Variants in NHLRC3 observed in about 807,000 individuals in gnomAD.
NHLRC3 encodes NHL repeat-containing protein 3.
In NHLRC3, 23 loss-of-function variants were observed where a neutral mutation model predicts 32.0. That is an observed-to-expected ratio of 0.72 (90% CI 0.52 to 1.02). NHLRC3 has a LOEUF of 1.02. NHLRC3 is among the 50% of genes least tolerant of loss of function. NHLRC3 has a pLI of 0.00. For missense variants in NHLRC3, 407 were observed against 406.8 expected (o/e 1.00, Z -0.01); for synonymous variants, 159 against 147.9 (o/e 1.08, Z -0.55).
intron 5 of NHLRC3, among the ~76,000 whole-genome samples, chr13:39,046,806 T>C (rs968781145): frequency 2.0e-5 from 3 of 152,236 alleles, no homozygotes; most frequent in African/African-American, 4.8e-5. Context: ...CAGAGTATTA[T>C]AAGCTTTGGG....
At chr13:39,041,549 T>C (rs1033960534) in intron 3 of NHLRC3, 1 of 152,494 alleles carries the variant, frequency 6.6e-6, no homozygotes. Flanking sequence ...AATAAGATAC[T>C]CATGATTTAC....
At chr13:39,043,528 C>G (rs1871543102) in intron 4 of NHLRC3, among the ~76,000 whole-genome samples, 1 of 152,042 alleles carries the variant, frequency 6.6e-6, no homozygotes, top group Non-Finnish European at 1.5e-5. Flanking sequence ...CAGTCTTTCC[C>G]TTCTTTCTCT....
At chr13:39,041,727 GTTGT>G (rs1396226357) in intron 3 of NHLRC3, 1 of 197,330 alleles carries the variant, frequency 5.1e-6, no homozygotes. Flanking sequence ...TCAAATATAA[GTTGT>G]TCCCTTTACA....
chr13:39,038,929 C>T (rs1219462503), intron 1 of NHLRC3: 1 of 636,634 alleles, frequency 1.6e-6, no homozygotes, highest in Admixed American at 2.9e-5. Flanking sequence ...CCAACTCTTA[C>T]TACATCCTCA....
intron 3 of NHLRC3, 46 bp from the exon 4 acceptor site, chr13:39,042,059 T>C (rs1283037396): frequency 7.8e-6 from 9 of 1,149,794 alleles, no homozygotes; most frequent in Admixed American, 1.9e-5. Context: ...ATCTGAATGT[T>C]TGTATAGTGG....
intron 3 of NHLRC3, chr13:39,040,977 C>T (rs917777166): frequency 6.6e-6 from 1 of 152,190 alleles, no homozygotes; most frequent in African/African-American, 2.4e-5. Flanking sequence ...TCACTTTTTT[C>T]CTGAAGATCC....
chr13:39,046,843 C>T (rs1871697623), intron 5 of NHLRC3, among the ~76,000 whole-genome samples, 197 bp from the exon 6 acceptor site: 1 of 152,208 alleles, frequency 6.6e-6, no homozygotes, highest in Admixed American at 6.5e-5. Flanking sequence ...TTGTGCCTCT[C>T]CCATTTGTAA....
At chr13:39,039,111 T>C (rs1871339715) in intron 1 of NHLRC3, 25 bp from the exon 2 acceptor site, 11 of 1,102,762 alleles carry the variant, frequency 1.0e-5, no homozygotes, top group Middle Eastern at 2.4e-4. Flanking sequence ...GTAAACTAAA[T>C]CTGAATTGTC....
chr13:39,045,726 A>G (rs955608039), intron 5 of NHLRC3, among the ~76,000 whole-genome samples: 1 of 152,176 alleles, frequency 6.6e-6, no homozygotes, highest in Non-Finnish European at 1.5e-5. Context: ...CTTTAAGAAA[A>G]CCTATCCTTA....
At chr13:39,047,234 T>C (rs1486618455) in intron 6 of NHLRC3, 82 bp downstream of exon 6, 1 of 756,044 alleles carries the variant, frequency 1.3e-6, no homozygotes, top group African/African-American at 1.8e-5. Context: ...GCTGAAAGTT[T>C]AAAATATTTA....
intron 3 of NHLRC3, chr13:39,041,273 T>C (rs994894849): frequency 1.3e-5 from 2 of 152,174 alleles, no homozygotes; most frequent in African/African-American, 2.4e-5. Context: ...TTATGTGTTT[T>C]TTATTGCTAT....
Position 39,038,609 on chromosome 13 carries a change from G to A in NHLRC3, c.-31G>A. The A allele has an allele frequency of 6.3e-7, 1 of 1,597,784 alleles. No homozygotes were observed. Among genetic ancestry groups the A allele is most frequent in the South Asian group, 1.1e-5 (1 of 90,754 alleles). Reference sequence around the variant, plus strand: ...TCAGGTCCTCCCCCAGACACCTGCGGACCCTCCCTCTCCTGGCTTCCCGTC... The same window carrying A: ...TCAGGTCCTCCCCCAGACACCTGCGAACCCTCCCTCTCCTGGCTTCCCGTC... On this transcript the variant is annotated 5_prime_UTR_variant, in exon 1 of 7. Coordinates refer to ENST00000379600, the MANE Select transcript of NHLRC3 (RefSeq NM_001012754.4).
intron 1 of NHLRC3, 62 bp from the exon 2 acceptor site, chr13:39,039,074 C>A: frequency 2.5e-6 from 2 of 816,044 alleles, no homozygotes; most frequent in Non-Finnish European, 4.1e-6. Flanking sequence ...CCGGCCCCCC[C>A]GCCCTTTTTT....
intron 5 of NHLRC3, among the ~76,000 whole-genome samples, chr13:39,045,806 A>C (rs1288583639): frequency 6.6e-6 from 1 of 152,212 alleles, no homozygotes; most frequent in African/African-American, 2.4e-5. Flanking sequence ...CCTTTCTTAA[A>C]TGGTGTAGTG....
intron 4 of NHLRC3, among the ~76,000 whole-genome samples, chr13:39,043,274 G>A (rs1330178622): frequency 3.3e-5 from 5 of 152,208 alleles, no homozygotes; most frequent in Non-Finnish European, 2.9e-5. Context: ...AAGTGTATTA[G>A]TTTCCTGTGG....
In NHLRC3 at chr13:39,039,298, T is replaced by C. The variant is rs1380568594; in HGVS notation, c.237+10T>C. On this transcript the variant is annotated intron_variant, in intron 2 of 6. Transcript: ENST00000379600. ...GGTTTACATAGGTCAAGTAAGTAAA[T>C]AGAGATTTAAAAAAATTATGAACAC... is the stretch of plus-strand genomic sequence containing the variant. 10 of 1,602,166 alleles carry C rather than the reference T, an allele frequency of 6.2e-6. No homozygotes were observed. Among genetic ancestry groups the C allele is most frequent in the Non-Finnish European group, 8.5e-6 (10 of 1,170,964 alleles).
chr13:39,042,111 T>A lies in NHLRC3; in HGVS notation c.392T>A (p.Phe131Tyr), dbSNP rs762385071. The change falls in exon 4 of 7, where the codon TTT becomes TAT. Residue 131 changes from phenylalanine (F) to tyrosine (Y), a missense_variant. Transcript: ENST00000379600. ...TACATATCTATCTTTATAGGATTCTTTGGTCATACTGTTAAAAAATACAGT... is the reference window on the plus strand; with the variant it reads ...TACATATCTATCTTTATAGGATTCTATGGTCATACTGTTAAAAAATACAGT... ...VWITDVGSGF[F>Y]GHTVKKYSSF... 4 of 1,580,766 alleles carry A rather than the reference T, an allele frequency of 2.5e-6. No individual in the cohort carries two copies. The highest frequency in any genetic ancestry group is 1.7e-6 in the Non-Finnish European group (2 of 1,150,028).
chr13:39,046,308 G>A (rs565750994), intron 5 of NHLRC3, among the ~76,000 whole-genome samples: 1 of 152,230 alleles, frequency 6.6e-6, no homozygotes, highest in South Asian at 2.1e-4. Context: ...GACAGAGCGA[G>A]ACTCCATCTC....
chr13:39,039,075 G>T (rs749644658), intron 1 of NHLRC3, 61 bp from the exon 2 acceptor site: 1 of 427,470 alleles, frequency 2.3e-6, no homozygotes, highest in South Asian at 2.2e-5. Context: ...CGGCCCCCCC[G>T]CCCTTTTTTT....
Sources: allele counts gnomAD v4.1 joint callset (sites outside exome capture counted in the v4.1 genomes callset), GRCh38; gene constraint gnomAD v4.1.1; transcripts MANE v1.5; gene names NCBI Gene and HGNC (gene_info 2026-07-23, HGNC 2026-07-21).